Variants in SASH1 observed in about 807,000 individuals in gnomAD.
The protein encoded by SASH1 is SAM and SH3 domain-containing protein 1.
A neutral mutation model predicts 125.2 loss-of-function variants in SASH1; 44 were observed. The ratio of observed to expected loss-of-function variants is 0.35; its 90% CI spans 0.28 to 0.45. SASH1 has a LOEUF of 0.45. Ranked by LOEUF, SASH1 falls within the 20% of genes least tolerant of loss-of-function variation. The pLI, the probability that SASH1 is intolerant of heterozygous loss-of-function variation, is 1.00. For synonymous variants in SASH1, 639 were observed against 649.1 expected (o/e 0.98, Z 0.24); for missense variants, 1,426 against 1,614.5 (o/e 0.88, Z 2.00).
the SASH1 span, among the ~76,000 whole-genome samples, chr6:148,199,994 G>A: frequency 8.5e-5 from 13 of 152,146 alleles, no homozygotes; most frequent in Non-Finnish European, 1.5e-4. Context: ...GAGAAAACCC[G>A]GAATAGTAGT....
In SASH1 at chr6:148,533,803, A is replaced by G; in HGVS notation, c.1767A>G (p.Pro589=). The G allele has an allele frequency of 3.7e-6, 6 of 1,613,742 alleles. No individual in the cohort carries two copies. The highest frequency in any genetic ancestry group is 5.1e-6 in the Non-Finnish European group (6 of 1,179,950). The change falls in exon 15 of 20, where the codon CCA becomes CCG. Residue 589 remains proline, a synonymous_variant. Coordinates refer to ENST00000367467, the MANE Select transcript of SASH1 (RefSeq NM_015278.5). This position sits in a 1 kb window ranked among gnomAD's most constrained non-coding sequence, Gnocchi z 6.2. ...KGDIIDIISK[P]PMGTWMGLLN... ...ATATCATCGATATAATCAGCAAGCC[A>G]CCCATGGGGACCTGGATGGGCCTGC...
intron 2 of SASH1, among the ~76,000 whole-genome samples, chr6:148,410,930 C>T (rs1447209768): frequency 6.6e-6 from 1 of 152,040 alleles, no homozygotes; most frequent in Non-Finnish European, 1.5e-5. Context: ...GGGGCTGAGA[C>T]GGGTGGATCA....
At chr6:148,300,015 T>C (rs944591436) in intron 1 of SASH1, among the ~76,000 whole-genome samples, 4 of 152,176 alleles carry the variant, frequency 2.6e-5, no homozygotes, top group African/African-American at 9.7e-5. Flanking sequence ...GGCAACACAC[T>C]GCAGCTCCCA....
chr6:148,319,915 T>C (rs939185895), intron 1 of SASH1, among the ~76,000 whole-genome samples: 4 of 152,198 alleles, frequency 2.6e-5, no homozygotes, highest in African/African-American at 9.7e-5. Flanking sequence ...CCTCTGTCCA[T>C]TGTACCCATG....
intron 1 of SASH1, among the ~76,000 whole-genome samples, chr6:148,300,517 C>T (rs897112345): frequency 5.6e-5 from 8 of 142,954 alleles, no homozygotes; most frequent in Admixed American, 5.2e-4. Flanking sequence ...AGCGAGATGT[C>T]GGCTCACTGC....
chr6:148,349,252 C>CTTTTTTTTTTTTTTTTTT (rs11317386), intron 1 of SASH1, among the ~76,000 whole-genome samples: 87 of 47,050 alleles, frequency 1.8e-3, no homozygotes, highest in Non-Finnish European at 2.4e-3. Context: ...TTCTTTCTTT[C>CTTTTTTTTTTTTTTTTTT]TTTTTTTTTT....
chr6:148,533,853 A>T lies in SASH1; in HGVS notation c.1817A>T (p.Lys606Met). 1 of 1,614,118 alleles carries T rather than the reference A, an allele frequency of 6.2e-7. No individual in the cohort carries two copies. Among genetic ancestry groups the T allele is most frequent in the Non-Finnish European group, 8.5e-7 (1 of 1,180,008 alleles). The change falls in exon 15 of 20, where the codon AAG (lysine) becomes ATG (methionine). Residue 606 changes from lysine to methionine, a missense_variant. Physicochemically the swap from Lys to Met is moderately conservative, Grantham distance 95 (BLOSUM62 -1). This residue lies in a region of SASH1 where 225 missense variants were observed against 344.5 expected (regional missense o/e 0.65). Coordinates refer to ENST00000367467, the MANE Select transcript of SASH1 (RefSeq NM_015278.5). This position sits in a 1 kb window ranked among gnomAD's most constrained non-coding sequence, Gnocchi z 6.2. ...CTGAACAACAAAGTCGGCACGTTCA[A>T]GTTCATCTACGTGGACGTGCTCAGT... ...GLLNNKVGTFKFIYVDVLSED... is the reference protein window; with the variant it reads ...GLLNNKVGTFMFIYVDVLSED...
intron 2 of SASH1, among the ~76,000 whole-genome samples, chr6:148,402,634 AGACAGAGTCTC>A (rs1784217121): frequency 9.0e-6 from 1 of 110,938 alleles, no homozygotes; most frequent in Non-Finnish European, 1.8e-5. Context: ...TTTTTTTTGG[AGACAGAGTCTC>A]GCTCGGTCGC....
upstream of SASH1, among the ~76,000 whole-genome samples, chr6:148,338,159 A>T (rs1781216704): frequency 6.8e-6 from 1 of 147,408 alleles, no homozygotes; most frequent in South Asian, 2.2e-4. Flanking sequence ...GCAGTGGCTC[A>T]CGCCTGTAAT....
At chr6:148,423,417 G>T (rs1163644964) in intron 2 of SASH1, among the ~76,000 whole-genome samples, 1 of 152,214 alleles carries the variant, frequency 6.6e-6, no homozygotes, top group East Asian at 1.9e-4. Context: ...TTCAGAGAAT[G>T]AGAAAGTGGT....
chr6:148,457,141 C>T (rs781557595), intron 4 of SASH1, among the ~76,000 whole-genome samples: 31 of 150,562 alleles, frequency 2.1e-4, no homozygotes, highest in Non-Finnish European at 3.7e-4. Context: ...CTGGTTAGAT[C>T]AAAACCAGAA....
At chr6:148,196,318 T>G in the SASH1 span, among the ~76,000 whole-genome samples, 14 of 152,246 alleles carry the variant, frequency 9.2e-5, no homozygotes, top group African/African-American at 2.7e-4. Flanking sequence ...CTCAAGGCTA[T>G]GTGCTGGTCC....
At chr6:148,291,222 A>C (rs555804665) in intron 1 of SASH1, among the ~76,000 whole-genome samples, 1 of 152,356 alleles carries the variant, frequency 6.6e-6, no homozygotes, top group East Asian at 1.9e-4. Context: ...AAAAAGGAAT[A>C]TCAAGAATAA....
Position 148,307,478 on chromosome 6 carries a change from T to C in SASH1, n.74+35101T>C, listed in dbSNP as rs547623008. The stretch of plus-strand genomic sequence containing the variant: ...AGCCCTACCCTAAAAGAGCTTACAG[T>C]ATAATGAGGTGCCAAGCCCATTAAA... On this transcript the variant is annotated intron_variant and non_coding_transcript_variant, in intron 1 of 3. Transcript: ENST00000367469. Among the ~76,000 whole-genome samples, 22 of 152,126 alleles carry C rather than the reference T, an allele frequency of 1.4e-4. No homozygotes were observed. The South Asian group carries it at 4.6e-3, about 32-fold the overall frequency.
chr6:148,367,919 C>A (rs1419005688), intron 1 of SASH1, among the ~76,000 whole-genome samples: 1 of 152,140 alleles, frequency 6.6e-6, no homozygotes, highest in Admixed American at 6.6e-5. Context: ...TTCAGGGCTG[C>A]GGGGTCTACC....
At chr6:148,224,773 T>G in the SASH1 span, among the ~76,000 whole-genome samples, 1 of 152,370 alleles carries the variant, frequency 6.6e-6, no homozygotes, top group Admixed American at 6.5e-5. Context: ...GGGTATAGTT[T>G]TATTTTTTAT....
At position 148,396,671 on chromosome 6, in the gene SASH1, C is replaced by A. The variant is rs57581644; in HGVS notation, c.285+6409C>A. 2.6e-3 allele frequency among the ~76,000 whole-genome samples: 398 copies of A among 152,178 alleles called. 5 individuals are homozygous for A. Among genetic ancestry groups the A allele is most frequent in the African/African-American group, 8.8e-3 (367 of 41,524 alleles). On this transcript the variant is annotated intron_variant, in intron 2 of 19. Coordinates refer to ENST00000367467, the MANE Select transcript of SASH1 (RefSeq NM_015278.5). ...GAGCCTCTTTTGACTGTACCACCCCCTCTCCAAGCTGGAGGAAGAGCCCTT... is the reference window on the plus strand; with the variant it reads ...GAGCCTCTTTTGACTGTACCACCCCATCTCCAAGCTGGAGGAAGAGCCCTT...
chr6:148,345,277 T>A (rs1340833297), intron 1 of SASH1, among the ~76,000 whole-genome samples: 1 of 152,204 alleles, frequency 6.6e-6, no homozygotes, highest in Non-Finnish European at 1.5e-5. Context: ...TTCCCTTCCC[T>A]GACAGATTCC....
At chr6:148,421,563 C>T (rs1001812036) in intron 2 of SASH1, among the ~76,000 whole-genome samples, 1 of 152,222 alleles carries the variant, frequency 6.6e-6, no homozygotes, top group African/African-American at 2.4e-5. Flanking sequence ...CTTGGCCTCC[C>T]AAAGTGCTGG....
Sources: allele counts gnomAD v4.1 joint callset (sites outside exome capture counted in the v4.1 genomes callset), GRCh38; gene constraint gnomAD v4.1.1; regional missense constraint gnomAD v4.1.1; non-coding constraint Gnocchi (gnomAD v3.1); transcripts MANE v1.5; gene names NCBI Gene and HGNC (gene_info 2026-07-23, HGNC 2026-07-21).